Variants in PCDH11X observed in about 807,000 individuals in gnomAD.
The protein encoded by PCDH11X is protocadherin 11 X-linked, also known as protocadherin-11 X-linked.
A neutral mutation model predicts 53.3 loss-of-function variants in PCDH11X; 18 were observed. The ratio of observed to expected loss-of-function variants is 0.34; its 90% CI spans 0.23 to 0.50. The LOEUF (loss-of-function observed/expected upper bound fraction) is 0.50. Ranked by LOEUF, PCDH11X falls within the 20% of genes least tolerant of loss-of-function variation. The pLI is 0.98. For synonymous variants in PCDH11X, 279 were observed against 393.3 expected (o/e 0.71, Z 3.44); for missense variants, 570 against 1,032.4 (o/e 0.55, Z 6.14).
chrX:92,160,553 G>T (rs779493489), intron 6 of PCDH11X, among the ~76,000 whole-genome samples: 1 of 107,993 alleles, frequency 9.3e-6, no homozygotes, highest in Non-Finnish European at 1.9e-5. Flanking sequence ...TTATCCACTC[G>T]TTGAGTGATG....
chrX:92,475,164 CAAAAAAAAA>C (rs761171281), intron 10 of PCDH11X, among the ~76,000 whole-genome samples: 4 of 30,541 alleles, frequency 1.3e-4, no homozygotes, highest in African/African-American at 1.6e-4. Context: ...GACTCCGTCT[CAAAAAAAAA>C]AAAAAAAAAA....
intron 1 of PCDH11X, among the ~76,000 whole-genome samples, chrX:91,805,962 C>A (rs1189880821): frequency 9.1e-6 from 1 of 110,340 alleles, no homozygotes; most frequent in African/African-American, 3.3e-5. Context: ...GGACTTTTTT[C>A]TTAAATAATC....
intron 8 of PCDH11X, among the ~76,000 whole-genome samples, chrX:92,385,601 T>A (rs1239617687): frequency 9.2e-6 from 1 of 108,364 alleles, no homozygotes; most frequent in Admixed American, 1.0e-4. Context: ...TTTGGAGGCC[T>A]AGATGGGTGG....
intron 4 of PCDH11X, 37 bp downstream of exon 4, chrX:91,811,332 C>T (rs1936286726): frequency 9.3e-7 from 1 of 1,078,367 alleles, no homozygotes; most frequent in African/African-American, 1.9e-5. Context: ...TATACGTCTC[C>T]TTTCCTCTGG....
rs761730765 is a variant in PCDH11X at position 92,445,509 on chromosome X, G to T, written c.3344-22790G>T. ...GATTTTAAGAGTTCACATCAAGAATGCATCATAAATTATGAGGGGTTAAAA... is the reference window on the plus strand; with the variant it reads ...GATTTTAAGAGTTCACATCAAGAATTCATCATAAATTATGAGGGGTTAAAA... On this transcript the variant is annotated intron_variant, in intron 9 of 10. Coordinates refer to ENST00000682573, the MANE Select transcript of PCDH11X (RefSeq NM_032968.5). Among the ~76,000 whole-genome samples, 315 of 106,066 alleles carry T rather than the reference G, an allele frequency of 3.0e-3. 1 individual carries two copies. The highest frequency in any genetic ancestry group is 4.4e-3 in the Non-Finnish European group (226 of 51,572). 92.1% of individuals were successfully genotyped at this position (106,066 alleles called of 115,157 possible).
intron 6 of PCDH11X, among the ~76,000 whole-genome samples, chrX:92,105,399 C>T (rs1185855945): frequency 9.1e-6 from 1 of 110,352 alleles, no homozygotes; most frequent in Non-Finnish European, 1.9e-5. Flanking sequence ...ATTGATCTCC[C>T]AAGGGAGGTC....
chrX:92,408,231 T>G (rs889491156), intron 9 of PCDH11X, among the ~76,000 whole-genome samples: 1 of 111,334 alleles, frequency 9.0e-6, no homozygotes, highest in Non-Finnish European at 1.9e-5. Flanking sequence ...ATTGTCTCAT[T>G]GATGCCTAGA....
At chrX:92,578,486 C>CT (rs1258413605) in intron 10 of PCDH11X, among the ~76,000 whole-genome samples, 1 of 108,703 alleles carries the variant, frequency 9.2e-6, no homozygotes, top group Non-Finnish European at 1.9e-5. Context: ...GATTTGAAGC[C>CT]TTTACCATTA....
At chrX:92,370,460 C>CTTTTTTTT (rs576718286) in intron 8 of PCDH11X, among the ~76,000 whole-genome samples, 6 of 80,264 alleles carry the variant, frequency 7.5e-5, no homozygotes, top group Admixed American at 1.4e-4. Context: ...GTTCTTTTTT[C>CTTTTTTTT]TTTTTTTTTT....
chrX:92,273,406 G>A (rs948433603), intron 8 of PCDH11X, among the ~76,000 whole-genome samples: 2 of 111,364 alleles, frequency 1.8e-5, no homozygotes, highest in African/African-American at 3.3e-5. Flanking sequence ...TTAAGGCGGG[G>A]CAGGGCCTTT....
Position 91,987,792 on chromosome X carries a change from C to T in PCDH11X, c.3033+108519C>T, listed in dbSNP as rs181937370. 3.0e-4 allele frequency among the ~76,000 whole-genome samples: 33 copies of T among 108,659 alleles called. 1 individual carries two copies. In the East Asian group the frequency reaches 9.6e-3, roughly 32 times the overall value. 94.4% of individuals were successfully genotyped at this position (108,659 alleles called of 115,157 possible). A position where few individuals can be genotyped will look rare whatever the true frequency, so the allele number is the denominator to read the frequency against. On this transcript the variant is annotated intron_variant, in intron 6 of 10. Transcript: ENST00000682573. ...TTGTTTTTTGCATTTCACAAATGCA[C>T]AAAATTTGTGTTAAGGTTCATTTTG...
intron 9 of PCDH11X, among the ~76,000 whole-genome samples, chrX:92,406,739 C>T (rs1234774727): frequency 1.0e-5 from 1 of 99,253 alleles, no homozygotes; most frequent in Non-Finnish European, 2.0e-5. Context: ...TCTTGGCCAA[C>T]ATGGTGAAAC....
intron 8 of PCDH11X, among the ~76,000 whole-genome samples, chrX:92,336,929 T>A (rs2069634108): frequency 9.0e-6 from 1 of 111,285 alleles, no homozygotes; most frequent in Non-Finnish European, 1.9e-5. Context: ...TCTTCTAGTT[T>A]TATGTCTACA....
intron 10 of PCDH11X, among the ~76,000 whole-genome samples, chrX:92,609,742 C>A (rs1292955248): frequency 3.6e-5 from 4 of 110,462 alleles, no homozygotes; most frequent in Non-Finnish European, 5.7e-5. Context: ...TTGTTCAACC[C>A]TTTCTCCCCT....
intron 9 of PCDH11X, among the ~76,000 whole-genome samples, chrX:92,466,319 A>G (rs996508379): frequency 1.3e-4 from 14 of 110,475 alleles, no homozygotes; most frequent in African/African-American, 3.6e-4. Flanking sequence ...TAAAAATGTC[A>G]ATGATAAACC....
In PCDH11X at chrX:92,368,385, G is replaced by T. The variant is rs2070527777; in HGVS notation, c.3145-19350G>T. ...CTCTCTAAACTCGTTACTCTAGTTA[G>T]CACTTCCTGTAACCTTTTATCAAGG... On this transcript the variant is annotated intron_variant, in intron 8 of 10. Coordinates refer to ENST00000682573, the MANE Select transcript of PCDH11X (RefSeq NM_032968.5). 2.7e-5 allele frequency among the ~76,000 whole-genome samples: 3 copies of T among 111,535 alleles called. No homozygotes were observed. The South Asian group carries it at 1.1e-3, about 42-fold the overall frequency.
At chrX:91,940,814 T>A (rs1359649392) in intron 6 of PCDH11X, among the ~76,000 whole-genome samples, 1 of 108,289 alleles carries the variant, frequency 9.2e-6, no homozygotes, top group East Asian at 2.9e-4. Flanking sequence ...ATTATAGGTG[T>A]GAGCCACTGC....
At chrX:92,231,933 G>T (rs748424493) in intron 7 of PCDH11X, among the ~76,000 whole-genome samples, 1 of 111,634 alleles carries the variant, frequency 9.0e-6, no homozygotes, top group South Asian at 3.7e-4. Flanking sequence ...AACAGAGAAG[G>T]CTCACTTCAT....
At chrX:91,898,492 T>A (rs1940834303) in intron 6 of PCDH11X, among the ~76,000 whole-genome samples, 1 of 109,240 alleles carries the variant, frequency 9.2e-6, no homozygotes, top group Non-Finnish European at 1.9e-5. Flanking sequence ...TTTCCAGTTG[T>A]AGGTGAATGT....
Sources: gnomAD v4.1 joint callset for allele counts (sites outside exome capture counted in the v4.1 genomes callset) on GRCh38, gnomAD v4.1.1 for gene constraint, MANE v1.5 for transcripts, NCBI Gene and HGNC (gene_info 2026-07-23, HGNC 2026-07-21) for gene names.